LAMA2: variants seen among roughly 807,000 people sequenced by gnomAD.
LAMA2 encodes laminin subunit alpha-2.
LAMA2 carries 269 observed loss-of-function variants against 364.8 expected under a neutral mutation model. That is an observed-to-expected ratio of 0.74 (90% CI 0.67 to 0.82). The LOEUF (loss-of-function observed/expected upper bound fraction) is 0.82, where lower values mean the gene tolerates loss of function less well. LAMA2 is among the 40% of genes least tolerant of loss of function. The probability of loss-of-function intolerance (pLI) is 0.00; values close to 1 mark genes in which losing one functional copy is unlikely to be tolerated. For synonymous variants in LAMA2, 1,379 were observed against 1,370.6 expected, an observed-to-expected ratio of 1.01 and a Z score of -0.14; for missense variants, 3,807 against 3,873.2, an observed-to-expected ratio of 0.98 and a Z score of 0.45.
At chr6:129,219,954 A>C (rs1374492007) in intron 12 of LAMA2, among the ~76,000 whole-genome samples, 1 of 151,864 alleles carries the variant, frequency 6.6e-6, no homozygotes, top group Non-Finnish European at 1.5e-5. Context: ...ATGTACCCTA[A>C]AACTTAAAGT....
intron 3 of LAMA2, among the ~76,000 whole-genome samples, chr6:129,073,447 T>G (rs1773442415): frequency 1.3e-5 from 2 of 152,184 alleles, no homozygotes; most frequent in Admixed American, 1.3e-4. Context: ...AGCCGATATT[T>G]TCTCGAATGT....
intron 1 of LAMA2, among the ~76,000 whole-genome samples, chr6:128,985,250 T>C (rs1783151440): frequency 6.6e-6 from 1 of 152,118 alleles, no homozygotes; most frequent in East Asian, 1.9e-4. Context: ...TGTTGTAAAA[T>C]ACAGATTAGT....
At chr6:129,398,637 G>A (rs1010313744) in intron 37 of LAMA2, among the ~76,000 whole-genome samples, 3 of 151,718 alleles carry the variant, frequency 2.0e-5, no homozygotes, top group African/African-American at 7.3e-5. Context: ...ACCACACCCA[G>A]CTAATTTTGT....
At chr6:129,091,393 C>T (rs147837694) in intron 3 of LAMA2, among the ~76,000 whole-genome samples, 26 of 152,296 alleles carry the variant, frequency 1.7e-4, no homozygotes, top group African/African-American at 5.5e-4. Flanking sequence ...AATGTGTTAA[C>T]TTCTCATGAG....
At chr6:129,442,826 T>C (rs1344351923) in intron 43 of LAMA2, 1 of 536,732 alleles carries the variant, frequency 1.9e-6, no homozygotes, top group South Asian at 2.1e-5. Flanking sequence ...GGGTCTGTTT[T>C]CTATCTTACT....
At chr6:128,926,070 C>T (rs1779074299) in intron 1 of LAMA2, among the ~76,000 whole-genome samples, 1 of 152,116 alleles carries the variant, frequency 6.6e-6, no homozygotes, top group Admixed American at 6.5e-5. Flanking sequence ...TCTAGGATTT[C>T]TACATATTAC....
intron 4 of LAMA2, among the ~76,000 whole-genome samples, chr6:129,116,421 C>T (rs761814647): frequency 6.6e-6 from 1 of 152,052 alleles, no homozygotes; most frequent in Non-Finnish European, 1.5e-5. Context: ...AAATTATTCA[C>T]CTTAAAAGAT....
intron 30 of LAMA2, among the ~76,000 whole-genome samples, chr6:129,345,823 TG>T (rs1407261798): frequency 6.6e-6 from 1 of 152,112 alleles, no homozygotes; most frequent in Non-Finnish European, 1.5e-5. Context: ...ATCTAAAGCT[TG>T]GGACGTATTA....
chr6:129,218,470 A>T (rs1017504489), intron 12 of LAMA2, among the ~76,000 whole-genome samples: 1 of 152,210 alleles, frequency 6.6e-6, no homozygotes, highest in African/African-American at 2.4e-5. Flanking sequence ...TTTAGTTGTT[A>T]AAATTCTGAG....
intron 4 of LAMA2, among the ~76,000 whole-genome samples, chr6:129,134,302 G>A (rs1191984095): frequency 1.3e-5 from 2 of 152,096 alleles, no homozygotes; most frequent in African/African-American, 4.8e-5. Flanking sequence ...ATAATTTGAG[G>A]TTTTAGCACT....
chr6:129,028,456 G>A (rs773371445), intron 1 of LAMA2, among the ~76,000 whole-genome samples: 1 of 151,664 alleles, frequency 6.6e-6, no homozygotes, highest in Non-Finnish European at 1.5e-5. Context: ...TTAAGAACCC[G>A]AATCCATTTA....
At chr6:129,384,352 C>T (rs9402120) in intron 35 of LAMA2, among the ~76,000 whole-genome samples, 6 of 152,284 alleles carry the variant, frequency 3.9e-5, no homozygotes, top group East Asian at 3.9e-4. Context: ...TCACTCTGAG[C>T]GGATCCCCAA....
chr6:129,245,429 C>G (rs967523644), intron 12 of LAMA2, among the ~76,000 whole-genome samples: 1 of 152,058 alleles, frequency 6.6e-6, no homozygotes, highest in Non-Finnish European at 1.5e-5. Context: ...GCTGAACACA[C>G]AGTGCTCTGT....
intron 7 of LAMA2, among the ~76,000 whole-genome samples, chr6:129,151,529 C>T (rs1778792411): frequency 6.6e-6 from 1 of 152,178 alleles, no homozygotes; most frequent in African/African-American, 2.4e-5. Context: ...CTGTATCACT[C>T]CGTTTTCACA....
intron 1 of LAMA2, among the ~76,000 whole-genome samples, chr6:128,944,930 T>C (rs1350839248): frequency 6.6e-6 from 1 of 152,006 alleles, no homozygotes; most frequent in Non-Finnish European, 1.5e-5. Flanking sequence ...TCTCCAATCA[T>C]CTCCCACCAG....
intron 27 of LAMA2, among the ~76,000 whole-genome samples, chr6:129,317,899 CTTT>C (rs200870111): frequency 6.9e-6 from 1 of 144,640 alleles, no homozygotes; most frequent in African/African-American, 2.5e-5. Flanking sequence ...GACACTTTGT[CTTT>C]TTTTTTTTTC....
chr6:129,173,218 G>A (rs894677925), intron 9 of LAMA2, among the ~76,000 whole-genome samples: 1 of 152,170 alleles, frequency 6.6e-6, no homozygotes, highest in Non-Finnish European at 1.5e-5. Flanking sequence ...TTTTTAGTGA[G>A]TTACCTTTAG....
chr6:128,991,531 T>C (rs1409899821), intron 1 of LAMA2, among the ~76,000 whole-genome samples: 1 of 152,208 alleles, frequency 6.6e-6, no homozygotes, highest in Non-Finnish European at 1.5e-5. Context: ...TTACACTAAA[T>C]TAAAGATGAT....
Position 129,512,452 on chromosome 6 carries a change from C to CA in LAMA2, c.8953dup (p.Met2985AsnfsTer7), listed in dbSNP as rs765592025. On this transcript the variant is annotated frameshift_variant, in exon 63 of 65. Coordinates refer to ENST00000421865, the MANE Select transcript of LAMA2 (RefSeq NM_000426.4). LOFTEE classifies it high-confidence loss of function. The stretch of plus-strand genomic sequence containing the variant: ...TGGAGTTCTTCTGGGGATCAGTAGT[C>CA]AAAAAATGGATGGAATGGGTATTGA... 1.2e-6 allele frequency: 2 copies of CA among 1,613,416 alleles called. No homozygotes were observed. Among genetic ancestry groups the CA allele is most frequent in the Non-Finnish European group, 1.7e-6 (2 of 1,179,602 alleles).
Sources: allele counts gnomAD v4.1 joint callset (sites outside exome capture counted in the v4.1 genomes callset), GRCh38; gene constraint gnomAD v4.1.1; transcripts MANE v1.5; gene names NCBI Gene and HGNC (gene_info 2026-07-23, HGNC 2026-07-21).